HCRTR2: variants seen among roughly 807,000 people sequenced by gnomAD.
HCRTR2 encodes the protein orexin receptor type 2.
Under a neutral mutation model 49.0 loss-of-function variants are expected in HCRTR2, and 22 were observed. The observed-to-expected ratio is 0.45, with a 90% CI of 0.32 to 0.64. The LOEUF is 0.64. Among genes scored for constraint, HCRTR2 ranks in the 30% least tolerant of loss-of-function variants. HCRTR2 has a pLI of 0.04. For missense variants in HCRTR2, 491 were observed against 559.4 expected (o/e 0.88, Z 1.23); for synonymous variants, 236 against 205.3 (o/e 1.15, Z -1.28).
chr6:55,220,683 A>G (rs1765873573), intron 1 of HCRTR2, among the ~76,000 whole-genome samples: 1 of 152,182 alleles, frequency 6.6e-6, no homozygotes, highest in African/African-American at 2.4e-5. Context: ...TTTCTCATCA[A>G]CGTATTACTA....
intron 1 of HCRTR2, among the ~76,000 whole-genome samples, chr6:55,241,622 A>T: frequency 6.6e-6 from 1 of 152,254 alleles, no homozygotes; most frequent in Middle Eastern, 3.4e-3. Flanking sequence ...TTTCAAAAAT[A>T]ATTTGAATTG....
At chr6:55,213,432 A>G (rs1160173547) in intron 1 of HCRTR2, among the ~76,000 whole-genome samples, 2 of 152,182 alleles carry the variant, frequency 1.3e-5, no homozygotes, top group Admixed American at 1.3e-4. Context: ...TGACATCAGC[A>G]AGATGGAGAT....
intron 1 of HCRTR2, among the ~76,000 whole-genome samples, chr6:55,185,213 C>T (rs1765196962): frequency 1.3e-5 from 2 of 152,094 alleles, no homozygotes; most frequent in African/African-American, 2.4e-5. Flanking sequence ...ACAAATCTTA[C>T]CAGCTGGTTC....
chr6:55,265,204 T>C (rs1432381437), intron 4 of HCRTR2, among the ~76,000 whole-genome samples: 1 of 152,158 alleles, frequency 6.6e-6, no homozygotes, highest in Non-Finnish European at 1.5e-5. Flanking sequence ...ATTTTCTAGA[T>C]GTTGGTGACA....
At chr6:55,268,034 G>T (rs1167576532) in intron 4 of HCRTR2, among the ~76,000 whole-genome samples, 1 of 152,124 alleles carries the variant, frequency 6.6e-6, no homozygotes, top group Non-Finnish European at 1.5e-5. Context: ...ACCTTATAAT[G>T]TATACAGATG....
chr6:55,123,190 A>G (rs145090669), intron 1 of HCRTR2, among the ~76,000 whole-genome samples: 2,295 of 152,082 alleles, frequency 0.015, 70 homozygotes, highest in African/African-American at 0.053. Flanking sequence ...GAGAGAGGGC[A>G]TCCTTATCTT....
At chr6:55,239,182 C>G (rs1215965123) in intron 1 of HCRTR2, among the ~76,000 whole-genome samples, 1 of 152,194 alleles carries the variant, frequency 6.6e-6, no homozygotes, top group Non-Finnish European at 1.5e-5. Context: ...ACTGCAGACA[C>G]TAAGACTATG....
At chr6:55,124,871 G>A (rs1764251143) in intron 1 of HCRTR2, among the ~76,000 whole-genome samples, 1 of 149,692 alleles carries the variant, frequency 6.7e-6, no homozygotes, top group Admixed American at 6.7e-5. Flanking sequence ...GCCCTTCTTT[G>A]TCTCTTTTGA....
At chr6:55,133,662 CATCTATCTATCTATCTATCT>C (rs5876428) in intron 1 of HCRTR2, among the ~76,000 whole-genome samples, 2 of 148,672 alleles carry the variant, frequency 1.3e-5, no homozygotes, top group South Asian at 2.1e-4. Flanking sequence ...ATCTATCTAT[CATCTATCTATCTATCTATCT>C]ATCTATCTAT....
chr6:55,115,431 C>T (rs933766176), intron 1 of HCRTR2, among the ~76,000 whole-genome samples: 1 of 151,246 alleles, frequency 6.6e-6, no homozygotes, highest in African/African-American at 2.4e-5. Context: ...TCTGCTTAGT[C>T]AACTGTGGCA....
chr6:55,280,181 C>A (rs1767161210), intron 5 of HCRTR2, 142 bp from the exon 6 acceptor site: 1 of 632,100 alleles, frequency 1.6e-6, no homozygotes, highest in Non-Finnish European at 2.8e-6. Context: ...TATTCTAAAC[C>A]AATTATGGGG....
intron 1 of HCRTR2, among the ~76,000 whole-genome samples, chr6:55,116,204 T>G (rs538346987): frequency 5.3e-5 from 8 of 151,834 alleles, no homozygotes; most frequent in African/African-American, 1.9e-4. Flanking sequence ...AGAAGTTCTT[T>G]TATTTATAAG....
chr6:55,280,508 C>A, intron 6 of HCRTR2, 64 bp downstream of exon 6: 1 of 1,601,188 alleles, frequency 6.2e-7, no homozygotes, highest in Admixed American at 1.7e-5. Flanking sequence ...TCAATGAACA[C>A]TCTTCAACTA....
At chr6:55,244,265 T>C (rs1766389598) in intron 1 of HCRTR2, among the ~76,000 whole-genome samples, 1 of 152,088 alleles carries the variant, frequency 6.6e-6, no homozygotes, top group Non-Finnish European at 1.5e-5. Flanking sequence ...TTGTCTGTAC[T>C]CCTATATATT....
intron 1 of HCRTR2, among the ~76,000 whole-genome samples, chr6:55,160,028 C>A (rs959992060): frequency 6.6e-6 from 1 of 152,064 alleles, no homozygotes; most frequent in African/African-American, 2.4e-5. Context: ...CCCCAAGACA[C>A]ATAATTGTCA....
intron 1 of HCRTR2, among the ~76,000 whole-genome samples, chr6:55,154,911 G>T (rs1764710770): frequency 6.6e-6 from 1 of 151,626 alleles, no homozygotes; most frequent in Non-Finnish European, 1.5e-5. Flanking sequence ...TATACAAAAA[G>T]TACTTGTAAT....
upstream of HCRTR2, among the ~76,000 whole-genome samples, chr6:55,173,673 G>A (rs1764983826): frequency 6.6e-6 from 1 of 152,144 alleles, no homozygotes; most frequent in Non-Finnish European, 1.5e-5. Flanking sequence ...TTGGTGGTCT[G>A]TCATGCTTGA....
At chr6:55,118,099 C>T (rs1390090455) in intron 1 of HCRTR2, among the ~76,000 whole-genome samples, 1 of 151,672 alleles carries the variant, frequency 6.6e-6, no homozygotes, top group Non-Finnish European at 1.5e-5. Flanking sequence ...CCCCAATATG[C>T]GTCCATGTGT....
chr6:55,117,518 A>G (rs1031295203), intron 1 of HCRTR2, among the ~76,000 whole-genome samples: 4 of 151,750 alleles, frequency 2.6e-5, no homozygotes, highest in Non-Finnish European at 5.9e-5. Flanking sequence ...ATTATTTAGA[A>G]TATTCATCAC....
Sources: allele counts gnomAD v4.1 joint callset (sites outside exome capture counted in the v4.1 genomes callset), GRCh38; gene constraint gnomAD v4.1.1; transcripts MANE v1.5; gene names NCBI Gene and HGNC (gene_info 2026-07-23, HGNC 2026-07-21).